The following TMEM87A variants were observed in gnomAD, a reference collection of about 807,000 sequenced individuals.
TMEM87A encodes Golgi-pH regulating cation channel.
In TMEM87A, 50 loss-of-function variants were observed where a neutral mutation model predicts 90.0. That is an observed-to-expected ratio of 0.56 (90% confidence interval 0.44 to 0.70). The LOEUF (loss-of-function observed/expected upper bound fraction) is 0.70, where lower values mean the gene tolerates loss of function less well. Among genes scored for constraint, TMEM87A ranks in the 30% least tolerant of loss-of-function variants. The probability of loss-of-function intolerance (pLI) is 0.00; values close to 1 mark genes in which losing one functional copy is unlikely to be tolerated. For missense variants in TMEM87A, 577 were observed against 660.5 expected (o/e 0.87, Z 1.39); for synonymous variants, 226 against 226.7 (o/e 1.00, Z 0.03).
intron 12 of TMEM87A, among the ~76,000 whole-genome samples, chr15:42,230,610 C>T (rs1159461071): frequency 6.6e-6 from 1 of 152,196 alleles, no homozygotes; most frequent in Non-Finnish European, 1.5e-5. Flanking sequence ...TGCTGGTTGA[C>T]TCTGCCTGTA....
intron 6 of TMEM87A, among the ~76,000 whole-genome samples, chr15:42,246,647 T>A (rs2050978635): frequency 6.6e-6 from 1 of 152,258 alleles, no homozygotes; most frequent in South Asian, 2.1e-4. Context: ...GGCTGCATAG[T>A]ATTCCATGGT....
intron 6 of TMEM87A, among the ~76,000 whole-genome samples, chr15:42,248,145 T>C (rs2051013535): frequency 6.6e-6 from 1 of 152,216 alleles, no homozygotes; most frequent in Non-Finnish European, 1.5e-5. Context: ...ATCCTGAGAC[T>C]TTGCTGAAGT....
At chr15:42,250,603 T>C (rs989020639) in intron 6 of TMEM87A, among the ~76,000 whole-genome samples, 3 of 152,336 alleles carry the variant, frequency 2.0e-5, no homozygotes, top group South Asian at 2.1e-4. Flanking sequence ...CACTAACAGA[T>C]TGTCTGTTAG....
chr15:42,215,068 C>G (rs558188481), intron 19 of TMEM87A, among the ~76,000 whole-genome samples: 4 of 152,186 alleles, frequency 2.6e-5, no homozygotes, highest in Non-Finnish European at 2.9e-5. Context: ...CTACATACCT[C>G]GGCTATATGT....
chr15:42,218,262 T>TA, intron 18 of TMEM87A, 61 bp downstream of exon 18: 3 of 1,526,542 alleles, frequency 2.0e-6, no homozygotes, highest in Non-Finnish European at 2.7e-6. Context: ...TCATTTAAAA[T>TA]AATAACAAAG....
intron 19 of TMEM87A, among the ~76,000 whole-genome samples, chr15:42,213,729 GAA>G (rs1418903822): frequency 4.6e-5 from 7 of 152,212 alleles, no homozygotes; most frequent in Non-Finnish European, 1.0e-4. Flanking sequence ...GAGGCTATCA[GAA>G]TGATTGATGA....
At chr15:42,239,274 C>T (rs1223255689) in intron 8 of TMEM87A, among the ~76,000 whole-genome samples, 2 of 152,198 alleles carry the variant, frequency 1.3e-5, no homozygotes, top group Non-Finnish European at 2.9e-5. Context: ...CTCCTGACCT[C>T]AAGTGATCTG....
At position 42,210,592 on chromosome 15, in the gene TMEM87A, T is replaced by C. The variant is rs1017041214; in HGVS notation, c.*1116A>G. On this transcript the variant is annotated 3_prime_UTR_variant, in exon 20 of 20. Transcript: ENST00000389834. The stretch of plus-strand genomic sequence containing the variant: ...AACTTTTTATGTAGAACAAAAATCT[T>C]GGGAAGGCAAAATTGGATAAAACCA... 1 of 152,568 alleles carries C rather than the reference T, an allele frequency of 6.6e-6. No individual in the cohort carries two copies. Among genetic ancestry groups the C allele is most frequent in the Non-Finnish European group, 1.5e-5 (1 of 68,032 alleles). 9.5% of individuals were successfully genotyped at this position (152,568 alleles called of 1,614,324 possible).
At chr15:42,259,653 A>C (rs1018343575) in intron 6 of TMEM87A, among the ~76,000 whole-genome samples, 15 of 152,328 alleles carry the variant, frequency 9.8e-5, no homozygotes, top group African/African-American at 3.6e-4. Flanking sequence ...AGATGTCCAT[A>C]GGAATTTTGG....
chr15:42,226,229 AC>A (rs1461380910), intron 15 of TMEM87A, among the ~76,000 whole-genome samples: 4 of 149,508 alleles, frequency 2.7e-5, no homozygotes, highest in African/African-American at 9.9e-5. Flanking sequence ...CGAACTCCTG[AC>A]CTCAGGTGAT....
chr15:42,235,668 T>C (rs16972904), intron 10 of TMEM87A, among the ~76,000 whole-genome samples: 1,848 of 152,332 alleles, frequency 0.012, 20 homozygotes, highest in Non-Finnish European at 0.019. Flanking sequence ...GGTATACATA[T>C]AGCTCCCTCA....
At chr15:42,221,703 A>T (rs1431984211) in intron 15 of TMEM87A, among the ~76,000 whole-genome samples, 2 of 152,120 alleles carry the variant, frequency 1.3e-5, no homozygotes, top group Non-Finnish European at 2.9e-5. Flanking sequence ...GACCCCATCT[A>T]AAATAAAAAA....
In TMEM87A at chr15:42,270,294, C is replaced by T. The variant is rs554769535; in HGVS notation, c.205+1769G>A. Among the ~76,000 whole-genome samples, 233 of 151,430 alleles carry T rather than the reference C, an allele frequency of 1.5e-3. 4 individuals are homozygous for T. The highest frequency in any genetic ancestry group is 5.6e-3 in the African/African-American group (231 of 41,168). ...CTGAGGCAGAAGAATCGCTTGAACC[C>T]AGGAAGCAGAGGTTACAGTGAGCCG... On this transcript the variant is annotated intron_variant, in intron 2 of 19. Transcript: ENST00000389834.
intron 11 of TMEM87A, 93 bp from the exon 12 acceptor site, chr15:42,231,353 G>T: frequency 9.6e-7 from 1 of 1,046,418 alleles, no homozygotes; most frequent in South Asian, 1.8e-5. Context: ...CATAATCACT[G>T]GAAAGTTTTT....
At chr15:42,217,247 C>T (rs1355771524) in intron 19 of TMEM87A, among the ~76,000 whole-genome samples, 2 of 152,166 alleles carry the variant, frequency 1.3e-5, no homozygotes, top group African/African-American at 4.8e-5. Context: ...AGCCACTATA[C>T]CTGGCCCACA....
At chr15:42,242,243 C>T (rs1239906200) in intron 7 of TMEM87A, among the ~76,000 whole-genome samples, 1 of 152,032 alleles carries the variant, frequency 6.6e-6, no homozygotes, top group Non-Finnish European at 1.5e-5. Flanking sequence ...GAAGTGCTGT[C>T]CCTATGGGAT....
intron 8 of TMEM87A, 106 bp downstream of exon 8, chr15:42,239,564 A>T: frequency 1.0e-6 from 1 of 956,462 alleles, no homozygotes; most frequent in Non-Finnish European, 1.7e-6. Context: ...CATTTTCTGA[A>T]TTGCACAGGA....
At chr15:42,257,905 CT>C in intron 6 of TMEM87A, 1 of 984,014 alleles carries the variant, frequency 1.0e-6, no homozygotes. Context: ...TGCATGTGCT[CT>C]GTGTAATCAC....
intron 4 of TMEM87A, among the ~76,000 whole-genome samples, 191 bp downstream of exon 4, chr15:42,263,899 T>C (rs998878217): frequency 1.3e-5 from 2 of 152,238 alleles, no homozygotes; most frequent in Admixed American, 1.3e-4. Context: ...GTTTGCTTTT[T>C]ACACACAAAG....
Sources: gnomAD v4.1 joint callset for allele counts (sites outside exome capture counted in the v4.1 genomes callset) on GRCh38, gnomAD v4.1.1 for gene constraint, MANE v1.5 for transcripts, NCBI Gene and HGNC (gene_info 2026-07-23, HGNC 2026-07-21) for gene names.